Variants in MAPK10 observed in about 807,000 individuals in gnomAD.
MAPK10 encodes JNK3 alpha protein kinase.
MAPK10 carries 25 observed loss-of-function variants against 59.3 expected under a neutral mutation model. The observed-to-expected ratio is 0.42, with a 90% CI of 0.31 to 0.59. The LOEUF is 0.59. MAPK10 is among the 20% of genes least tolerant of loss of function. The pLI is 0.15. For missense variants in MAPK10, 351 were observed against 568.9 expected, an observed-to-expected ratio of 0.62 and a Z score of 3.90; for synonymous variants, 190 against 200.5, an observed-to-expected ratio of 0.95 and a Z score of 0.44.
intron 2 of MAPK10, among the ~76,000 whole-genome samples, chr4:86,303,197 T>C (rs2148850582): frequency 6.6e-6 from 1 of 152,328 alleles, no homozygotes; most frequent in Non-Finnish European, 1.5e-5. Flanking sequence ...TCATTAAGCT[T>C]CTTCCTTCAA....
chr4:86,368,518 A>G (rs1433483488), intron 1 of MAPK10, among the ~76,000 whole-genome samples: 1 of 152,216 alleles, frequency 6.6e-6, no homozygotes, highest in South Asian at 2.1e-4. Context: ...TTGTGTTCAC[A>G]TCAAACAAAA....
intron 9 of MAPK10, among the ~76,000 whole-genome samples, chr4:86,068,760 G>A (rs916334908): frequency 2.6e-5 from 4 of 152,038 alleles, no homozygotes; most frequent in Non-Finnish European, 4.4e-5. Context: ...CTTTTAAATT[G>A]GAGCTAGCTC....
intron 1 of MAPK10, among the ~76,000 whole-genome samples, chr4:86,378,148 T>C (rs916745293): frequency 6.6e-6 from 1 of 152,148 alleles, no homozygotes; most frequent in Admixed American, 6.6e-5. Context: ...CTCTTCCCTA[T>C]GCAATACCCC....
chr4:86,168,456 T>C (rs935180855), intron 3 of MAPK10, among the ~76,000 whole-genome samples: 13 of 152,310 alleles, frequency 8.5e-5, no homozygotes, highest in Non-Finnish European at 1.6e-4. Flanking sequence ...GTCTCGCTGA[T>C]TGCTAGCACA....
chr4:86,041,662 C>A (rs142289032), intron 11 of MAPK10, among the ~76,000 whole-genome samples: 1 of 152,118 alleles, frequency 6.6e-6, no homozygotes, highest in Non-Finnish European at 1.5e-5. Context: ...GGGCGAAGGA[C>A]ATGAACAGAC....
At chr4:86,419,431 C>G (rs1746239035) in intron 1 of MAPK10, among the ~76,000 whole-genome samples, 2 of 152,114 alleles carry the variant, frequency 1.3e-5, no homozygotes, top group Admixed American at 1.3e-4. Flanking sequence ...ACAAAAATTA[C>G]ATACATAACA....
chr4:86,473,955 G>T (rs1002031304), intron 1 of MAPK10, among the ~76,000 whole-genome samples: 2 of 152,000 alleles, frequency 1.3e-5, no homozygotes, highest in African/African-American at 4.8e-5. Context: ...TTCAAGACCA[G>T]CCCTGGCAAC....
chr4:86,044,734 C>G (rs993964810), intron 11 of MAPK10: 88 of 397,514 alleles, frequency 2.2e-4, no homozygotes, highest in Non-Finnish European at 4.4e-5. Flanking sequence ...ATCTCTGAGC[C>G]TCATAATGCG....
At chr4:86,387,584 C>T (rs531313330) in intron 1 of MAPK10, among the ~76,000 whole-genome samples, 7 of 152,244 alleles carry the variant, frequency 4.6e-5, no homozygotes, top group East Asian at 1.9e-4. Flanking sequence ...TAATAGCTGA[C>T]GCTGCCTCAC....
At chr4:86,493,119 A>T (rs1754603756) in intron 1 of MAPK10, among the ~76,000 whole-genome samples, 1 of 152,200 alleles carries the variant, frequency 6.6e-6, no homozygotes. Flanking sequence ...CTGAGTTGTA[A>T]CCAATCTCAC....
rs1207304043 is a variant in MAPK10 at position 86,507,612 on chromosome 4, G to GGA, written c.-263+86296_-263+86297dup. 3.2e-3 allele frequency among the ~76,000 whole-genome samples: 94 copies of GGA among 29,232 alleles called. 2 individuals are homozygous for GGA. Among genetic ancestry groups the GGA allele is most frequent in the South Asian group, 6.7e-3 (6 of 896 alleles). 19.2% of individuals were successfully genotyped at this position (29,232 alleles called of 152,430 possible). ...ATGTTACTATTAAAAAGAATAAACT[G>GGA]GAGATATATATATATATATATATAT... is the stretch of plus-strand genomic sequence containing the variant. On this transcript the variant is annotated intron_variant, in intron 1 of 4. Transcript: ENST00000502302.
chr4:86,294,806 A>G (rs1310315796), intron 2 of MAPK10, among the ~76,000 whole-genome samples: 1 of 152,170 alleles, frequency 6.6e-6, no homozygotes, highest in Non-Finnish European at 1.5e-5. Context: ...GCCTGAAGAG[A>G]AAGAGCTCCG....
In MAPK10 at chr4:86,064,682, C is replaced by T. The variant is rs2046377799; in HGVS notation, c.986-292G>A. 29 of 335,344 alleles carry T rather than the reference C, an allele frequency of 8.6e-5. No homozygotes were observed. In the South Asian group the frequency reaches 1.3e-3, roughly 14 times the overall value. The allele number at this position is 335,344 out of a possible 1,614,324, so 20.8% of individuals were successfully genotyped here. A position where few individuals can be genotyped will look rare whatever the true frequency, so the allele number is the denominator to read the frequency against. On this transcript the variant is annotated intron_variant, in intron 10 of 13. Transcript: ENST00000641462. ...CCTGGAGAGTTTATGTAAGCAAAGT[C>T]ATCTTCTTTGGTAACCTGCATGAAT... is the stretch of plus-strand genomic sequence containing the variant.
At chr4:86,396,334 G>A (rs1328517441) in intron 1 of MAPK10, among the ~76,000 whole-genome samples, 1 of 152,126 alleles carries the variant, frequency 6.6e-6, no homozygotes, top group East Asian at 1.9e-4. Context: ...GCAAGAGTGC[G>A]AGACTCTGTC....
chr4:86,251,323 CCCT>C (rs2093412935), intron 2 of MAPK10, among the ~76,000 whole-genome samples: 1 of 151,998 alleles, frequency 6.6e-6, no homozygotes, highest in South Asian at 2.1e-4. Flanking sequence ...TATCCCTCCC[CCCT>C]CCTCCCTCCC....
intron 2 of MAPK10, chr4:86,332,569 T>C (rs2096179320): frequency 6.6e-6 from 1 of 152,220 alleles, no homozygotes; most frequent in Non-Finnish European, 1.5e-5. Flanking sequence ...CACTTGTGGT[T>C]TGACACAGCA....
At chr4:86,179,388 T>C (rs1445222634) in intron 3 of MAPK10, among the ~76,000 whole-genome samples, 3 of 152,066 alleles carry the variant, frequency 2.0e-5, no homozygotes, top group Non-Finnish European at 2.9e-5. Flanking sequence ...ATCTCATGCT[T>C]ATGGATCAGA....
intron 2 of MAPK10, among the ~76,000 whole-genome samples, chr4:86,255,605 G>T (rs921919918): frequency 3.3e-5 from 5 of 150,896 alleles, no homozygotes; most frequent in Admixed American, 1.3e-4. Flanking sequence ...GTTAAATGTG[G>T]TATCTATATT....
intron 1 of MAPK10, among the ~76,000 whole-genome samples, chr4:86,492,433 C>A (rs1754534550): frequency 6.6e-6 from 1 of 152,160 alleles, no homozygotes; most frequent in African/African-American, 2.4e-5. Flanking sequence ...TAAAAATATT[C>A]CTCTATCCTT....
Sources: gnomAD v4.1 joint callset for allele counts (sites outside exome capture counted in the v4.1 genomes callset) on GRCh38, gnomAD v4.1.1 for gene constraint, MANE v1.5 for transcripts, NCBI Gene and HGNC (gene_info 2026-07-23, HGNC 2026-07-21) for gene names.